Variants in LRRK1 observed in about 807,000 individuals in gnomAD.
LRRK1 encodes leucine-rich repeat serine/threonine-protein kinase 1.
LRRK1 carries 113 observed loss-of-function variants against 209.1 expected under a neutral mutation model. That is an observed-to-expected ratio of 0.54 (90% CI 0.46 to 0.63). The LOEUF (loss-of-function observed/expected upper bound fraction) is 0.63. Ranked by LOEUF, LRRK1 falls within the 30% of genes least tolerant of loss-of-function variation. The pLI, the probability that LRRK1 is intolerant of heterozygous loss-of-function variation, is 0.00. For synonymous variants in LRRK1, 1,144 were observed against 1,099.7 expected, an observed-to-expected ratio of 1.04 and a Z score of -0.80; for missense variants, 2,284 against 2,632.2, an observed-to-expected ratio of 0.87 and a Z score of 2.89.
rs572266491 is a variant in LRRK1 at position 101,069,609 on chromosome 15, T to G, written c.*761T>G. 2.0e-5 allele frequency: 3 copies of G among 152,738 alleles called. No individual in the cohort carries two copies. Among genetic ancestry groups the G allele is most frequent in the Non-Finnish European group, 4.4e-5 (3 of 68,012 alleles). 9.5% of individuals were successfully genotyped at this position (152,738 alleles called of 1,614,324 possible). ...GCAGGACTTCAGAAAGGGCCTTGTG[T>G]TTATAGCTTTGTCAAGTAAATTTGG... On this transcript the variant is annotated 3_prime_UTR_variant, in exon 34 of 34. Transcript: ENST00000388948.
chr15:101,054,194 C>T lies in LRRK1; in HGVS notation c.4055-752C>T, dbSNP rs146207180. On this transcript the variant is annotated intron_variant, in intron 26 of 33. Transcript: ENST00000388948. ...TTCACCCTGTTGCCCAGGTCGTTCT[C>T]GAACTGTGAGCTCAGTCGATCCCCC... Among the ~76,000 whole-genome samples the T allele has an allele frequency of 3.4e-3, 521 of 152,222 alleles. 2 individuals are homozygous for T. Among genetic ancestry groups the T allele is most frequent in the African/African-American group, 0.012 (487 of 41,524 alleles).
chr15:100,986,411 G>C (rs1319027934), intron 4 of LRRK1, among the ~76,000 whole-genome samples: 1 of 152,204 alleles, frequency 6.6e-6, no homozygotes, highest in Non-Finnish European at 1.5e-5. Context: ...GTGGTTAAGA[G>C]AGCACCCTTT....
At chr15:101,067,501 C>T in intron 33 of LRRK1, 2 of 296,146 alleles carry the variant, frequency 6.8e-6, no homozygotes, top group Non-Finnish European at 1.4e-5. Flanking sequence ...AGGCCTGTTT[C>T]CCTGCAGCAT....
At chr15:100,989,689 GGT>G (rs1262882953) in intron 6 of LRRK1, 2 of 542,870 alleles carry the variant, frequency 3.7e-6, no homozygotes, top group African/African-American at 3.8e-5. Context: ...CATTTATGAG[GGT>G]GGGGCCTTCT....
At chr15:100,921,618 G>C (rs1000792904) in intron 1 of LRRK1, among the ~76,000 whole-genome samples, 2 of 152,208 alleles carry the variant, frequency 1.3e-5, no homozygotes, top group Non-Finnish European at 2.9e-5. Context: ...AAGCTTTATA[G>C]CAATTACTTA....
At chr15:100,983,379 G>A (rs951870306) in intron 3 of LRRK1, 149 bp from the exon 4 acceptor site, 8 of 624,536 alleles carry the variant, frequency 1.3e-5, no homozygotes, top group African/African-American at 1.3e-4. Flanking sequence ...CACATTTCAA[G>A]TGCTGCCCAG....
At chr15:100,929,282 G>C (rs1377103182) in intron 2 of LRRK1, among the ~76,000 whole-genome samples, 1 of 151,970 alleles carries the variant, frequency 6.6e-6, no homozygotes, top group Non-Finnish European at 1.5e-5. Context: ...CGCCCCCCCA[G>C]CTCTCTGTGA....
At chr15:100,941,943 C>A (rs1455922364) in intron 2 of LRRK1, among the ~76,000 whole-genome samples, 1 of 152,204 alleles carries the variant, frequency 6.6e-6, no homozygotes, top group Non-Finnish European at 1.5e-5. Context: ...CCTCTTGCTT[C>A]CCATGTCCCC....
At chr15:100,933,851 A>T (rs936804376) in intron 2 of LRRK1, among the ~76,000 whole-genome samples, 2 of 138,286 alleles carry the variant, frequency 1.4e-5, no homozygotes, top group Non-Finnish European at 3.2e-5. Context: ...AAAAAAAAAA[A>T]AAGATTTGCT....
At chr15:100,990,699 CT>C (rs1465703352) in intron 6 of LRRK1, among the ~76,000 whole-genome samples, 1 of 141,116 alleles carries the variant, frequency 7.1e-6, no homozygotes, top group Admixed American at 7.0e-5. Context: ...GATTGTTTGT[CT>C]TTTTTTCTCA....
rs529014230 is a variant in LRRK1, at chr15:100,945,100, G to A, written c.97+20371G>A. 7.0e-4 allele frequency among the ~76,000 whole-genome samples: 107 copies of A among 152,316 alleles called. 2 individuals carry two copies. In the South Asian group the frequency reaches 0.021, roughly 30 times the overall value. ...GTCTCCTCTTCACGGGCATTTGGGC[G>A]ATTCCTAACATGTGCTGTAACAAAT... is the stretch of plus-strand genomic sequence containing the variant. On this transcript the variant is annotated intron_variant, in intron 2 of 33. Coordinates refer to ENST00000388948, the MANE Select transcript of LRRK1 (RefSeq NM_024652.6).
chr15:100,924,708 C>A lies in LRRK1; in HGVS notation c.76C>A (p.Arg26Ser), dbSNP rs767752687. 1.9e-6 allele frequency: 3 copies of A among 1,613,980 alleles called. No homozygotes were observed. Among genetic ancestry groups the A allele is most frequent in the Non-Finnish European group, 2.5e-6 (3 of 1,179,992 alleles). ...GPEESAVCPERAMETLNGAGD... is the reference protein window; with the variant it reads ...GPEESAVCPESAMETLNGAGD... ...GGAGGAGTCAGCTGTGTGTCCAGAA[C>A]GTGCCATGGAGACGCTTAACGGTAA... is the stretch of plus-strand genomic sequence containing the variant. The change falls in exon 2 of 34, where the codon CGT (arginine) becomes AGT (serine). Residue 26 changes from arginine to serine, a missense_variant. Physicochemically the swap from Arg to Ser is moderately radical, Grantham distance 110. Transcript: ENST00000388948.
intron 2 of LRRK1, among the ~76,000 whole-genome samples, chr15:100,961,644 T>G (rs1179162224): frequency 7.8e-5 from 4 of 51,022 alleles, no homozygotes; most frequent in Admixed American, 2.4e-4. Context: ...AGAGTGAGAC[T>G]CCGTCAAAAA....
chr15:100,964,441 C>G (rs1463996244), intron 2 of LRRK1, among the ~76,000 whole-genome samples: 1 of 152,200 alleles, frequency 6.6e-6, no homozygotes, highest in Admixed American at 6.5e-5. Context: ...CCCCAAAGTG[C>G]CAGGAGGGTG....
In LRRK1 at chr15:101,058,030, C is replaced by T. The variant is rs2035915220; in HGVS notation, c.4568C>T (p.Pro1523Leu). Residue 1523 changes from proline (P) to leucine (L), a missense_variant, in exon 29 of 34, where the codon CCG (proline) becomes CTG (leucine). Physicochemically the swap from Pro to Leu is moderately conservative, Grantham distance 98. Transcript: ENST00000388948. ...TCGGTGGTGAGCCAGATGAAGGACC[C>T]GACTTTTGCCACCTTCATGTATGAA... is the stretch of plus-strand genomic sequence containing the variant. ...ALSVVSQMKD[P>L]TFATFMYELC... 5 of 1,613,996 alleles carry T rather than the reference C, an allele frequency of 3.1e-6. No individual in the cohort carries two copies. Among genetic ancestry groups the T allele is most frequent in the African/African-American group, 1.3e-5 (1 of 74,890 alleles).
intron 20 of LRRK1, among the ~76,000 whole-genome samples, chr15:101,044,337 T>C (rs1006109426): frequency 2.0e-5 from 3 of 152,218 alleles, no homozygotes; most frequent in African/African-American, 7.2e-5. Context: ...TGAGGCTGTC[T>C]CAGTGGGGTG....
At position 101,071,944 on chromosome 15, in the gene LRRK1, T is replaced by C. The variant is rs2036822296; in HGVS notation, c.*3096T>C. Reference sequence around the variant, plus strand: ...AAGGGCCTTGCACATGCAAAGACCCTGTTGTGGGTTCAAGCCACTGTGTGG... The same window carrying C: ...AAGGGCCTTGCACATGCAAAGACCCCGTTGTGGGTTCAAGCCACTGTGTGG... On this transcript the variant is annotated 3_prime_UTR_variant, in exon 34 of 34. Coordinates refer to ENST00000388948, the MANE Select transcript of LRRK1 (RefSeq NM_024652.6). 1 of 152,214 alleles carries C rather than the reference T, an allele frequency of 6.6e-6. No individual in the cohort carries two copies. Among genetic ancestry groups the C allele is most frequent in the Non-Finnish European group, 1.5e-5 (1 of 68,082 alleles). The allele number at this position is 152,214 out of a possible 1,614,324, so 9.4% of individuals were successfully genotyped here.
intron 6 of LRRK1, among the ~76,000 whole-genome samples, chr15:100,990,158 T>C (rs970915782): frequency 6.6e-6 from 1 of 152,186 alleles, no homozygotes; most frequent in African/African-American, 2.4e-5. Flanking sequence ...ACAAAAATAT[T>C]ATTGCGTTAT....
At chr15:100,987,330 T>C (rs1008615785) in intron 4 of LRRK1, among the ~76,000 whole-genome samples, 1 of 152,184 alleles carries the variant, frequency 6.6e-6, no homozygotes, top group Non-Finnish European at 1.5e-5. Flanking sequence ...TTATGATGCA[T>C]TTGGGAAGTG....
Sources: allele counts gnomAD v4.1 joint callset (sites outside exome capture counted in the v4.1 genomes callset), GRCh38; gene constraint gnomAD v4.1.1; transcripts MANE v1.5; gene names NCBI Gene and HGNC (gene_info 2026-07-23, HGNC 2026-07-21).